The following EIF3G variants were observed in gnomAD, a reference collection of about 807,000 sequenced individuals.
EIF3G encodes the protein eukaryotic translation initiation factor 3 subunit G, also known as eukaryotic translation initiation factor 3 RNA-binding subunit.
A neutral mutation model predicts 41.7 loss-of-function variants in EIF3G; 10 were observed. The observed-to-expected ratio is 0.24, with a 90% CI of 0.15 to 0.41. The LOEUF (loss-of-function observed/expected upper bound fraction) is 0.41. Ranked by LOEUF, EIF3G falls within the 10% of genes least tolerant of loss-of-function variation. The probability of loss-of-function intolerance (pLI) is 1.00; values close to 1 mark genes in which losing one functional copy is unlikely to be tolerated. For synonymous variants in EIF3G, 204 were observed against 172.5 expected (o/e 1.18, Z -1.43); for missense variants, 297 against 444.0 (o/e 0.67, Z 2.98).
chr19:10,117,974 C>T (rs1393899785), intron 5 of EIF3G: 1 of 152,148 alleles, frequency 6.6e-6, no homozygotes, highest in East Asian at 1.9e-4. Context: ...ATGGCTTGAG[C>T]CTGGGAGTTC....
In EIF3G at chr19:10,117,073, G is replaced by A. The variant is rs1232630379; in HGVS notation, c.405+11C>T. 6.2e-7 allele frequency: 1 copy of A among 1,612,044 alleles called. No individual in the cohort carries two copies. The highest frequency in any genetic ancestry group is 1.1e-5 in the South Asian group (1 of 90,864). Reference sequence around the variant, plus strand: ...CCCAGGATGCCAGCCCCACCTGATTGCCCCGCTTACCTCTTTGCTGGTGAT... The same window carrying A: ...CCCAGGATGCCAGCCCCACCTGATTACCCCGCTTACCTCTTTGCTGGTGAT... On this transcript the variant is annotated intron_variant, in intron 6 of 10. Coordinates refer to ENST00000253108, the MANE Select transcript of EIF3G (RefSeq NM_003755.5).
chr19:10,116,537 G>C lies in EIF3G; in HGVS notation c.595+263C>G, dbSNP rs573109352. On this transcript the variant is annotated intron_variant, in intron 7 of 10. Transcript: ENST00000253108. This position sits in a 1 kb window ranked among gnomAD's most constrained non-coding sequence, Gnocchi z 4.1. ...CAGTGCGCACACACGATGTGGGGTG[G>C]TCAGCACCCTGGGGCCGACAGACAG... is the stretch of plus-strand genomic sequence containing the variant. 2.7e-5 allele frequency: 14 copies of C among 518,652 alleles called. No individual in the cohort carries two copies. The highest frequency in any genetic ancestry group is 2.5e-4 in the African/African-American group (13 of 52,800). The allele number at this position is 518,652 out of a possible 1,614,324, so 32.1% of individuals were successfully genotyped here. A position where few individuals can be genotyped will look rare whatever the true frequency, so the allele number is the denominator to read the frequency against.
At position 10,115,967 on chromosome 19, in the gene EIF3G, C is replaced by A. The variant is rs752604243; in HGVS notation, c.703G>T (p.Ala235Ser). The A allele has an allele frequency of 6.8e-6, 11 of 1,613,070 alleles. No individual in the cohort carries two copies. The highest frequency in any genetic ancestry group is 4.0e-5 in the African/African-American group (3 of 74,928). The change falls in exon 8 of 11, where the codon GCC (alanine) becomes TCC (serine). Residue 235 changes from alanine to serine, a missense_variant and splice_region_variant. Ala to Ser is a moderately conservative substitution (Grantham distance 99). This residue lies in a region of EIF3G where 91 missense variants were observed against 170.5 expected (regional missense o/e 0.53). Transcript: ENST00000253108. ...AGCCTGGCGTCGGGGTGCCCCTCACCTCTGCGGTTGGGCTGCATGGACTCC... is the reference window on the plus strand; with the variant it reads ...AGCCTGGCGTCGGGGTGCCCCTCACATCTGCGGTTGGGCTGCATGGACTCC... ...RGESMQPNRR[A>S]DDNATIRVTN... is the part of the protein sequence containing the mutation.
intron 2 of EIF3G, 132 bp from the exon 3 acceptor site, chr19:10,119,303 G>T: frequency 9.6e-7 from 1 of 1,037,006 alleles, no homozygotes; most frequent in East Asian, 2.6e-5. Context: ...GGGCTGGCCA[G>T]GCAACGCACT....
At position 10,115,046 on chromosome 19, in the gene EIF3G, A is replaced by G; in HGVS notation, c.*68T>C. ...AGTGGAGCTGCTTTATTGCCCTTGG[A>G]GCCCGCGCTCTCGGAGGCTGTCTTC... On this transcript the variant is annotated 3_prime_UTR_variant, in exon 11 of 11. Transcript: ENST00000253108. The G allele has an allele frequency of 2.5e-6, 4 of 1,605,848 alleles. No individual in the cohort carries two copies. Among genetic ancestry groups the G allele is most frequent in the Non-Finnish European group, 2.6e-6 (3 of 1,175,026 alleles).
chr19:10,115,381 A>T, intron 10 of EIF3G, 98 bp downstream of exon 10: 2 of 1,359,884 alleles, frequency 1.5e-6, no homozygotes, highest in Non-Finnish European at 2.0e-6. Context: ...CAGCCGGGGG[A>T]CTGTTAAATT....
At position 10,117,177 on chromosome 19, in the gene EIF3G, C is replaced by T; in HGVS notation, c.312G>A (p.Lys104=). The T allele has an allele frequency of 6.2e-7, 1 of 1,610,572 alleles. No individual in the cohort carries two copies. Among genetic ancestry groups the T allele is most frequent in the Non-Finnish European group, 8.5e-7 (1 of 1,178,450 alleles). The stretch of plus-strand genomic sequence containing the variant: ...GGGGGTCAAACTCTGAGTTCCCGAA[C>T]TTCTTCCAGTTCTGGGCTCAGGGAG... ...KAVARRKNWK[K]FGNSEFDPPG... Residue 104 remains lysine (K), a synonymous_variant, in exon 6 of 11, where the codon AAG becomes AAA. Transcript: ENST00000253108.
At position 10,115,163 on chromosome 19, in the gene EIF3G, C is replaced by A. The variant is rs1381664924; in HGVS notation, c.948-34G>T. The A allele has an allele frequency of 2.5e-6, 4 of 1,612,222 alleles. No homozygotes were observed. The East Asian group carries it at 6.7e-5, about 27-fold the overall frequency. ...GGGGAGGGTGGCAGGTATAAGACTT[C>A]TGGGGGCACCCCAAGACCCCAGACA... On this transcript the variant is annotated intron_variant, in intron 10 of 10. Coordinates refer to ENST00000253108, the MANE Select transcript of EIF3G (RefSeq NM_003755.5).
At chr19:10,119,763 G>C (rs1196268441) in intron 1 of EIF3G, 63 bp from the exon 2 acceptor site, 1 of 1,613,788 alleles carries the variant, frequency 6.2e-7, no homozygotes, top group Admixed American at 1.7e-5. Flanking sequence ...CCGCAGCCTC[G>C]GCGTACCCAG....
intron 9 of EIF3G, 29 bp downstream of exon 9, chr19:10,115,655 A>G (rs1488464690): frequency 1.9e-6 from 3 of 1,596,952 alleles, no homozygotes; most frequent in Non-Finnish European, 2.6e-6. Flanking sequence ...ACCCTCACAC[A>G]GCCCCACCGT....
Position 10,116,290 on chromosome 19 carries a change from G to GAGC in EIF3G, c.596-219_596-217dup, listed in dbSNP as rs1055996716. 1.1e-4 allele frequency: 67 copies of GAGC among 595,786 alleles called. No individual in the cohort carries two copies. The highest frequency in any genetic ancestry group is 6.4e-4 in the Admixed American group (21 of 33,026). 36.9% of individuals were successfully genotyped at this position (595,786 alleles called of 1,614,324 possible). A position where few individuals can be genotyped will look rare whatever the true frequency, so the allele number is the denominator to read the frequency against. ...GACACTGGTGGAGGAGGAGGAGGAGGAGCCCCGACCCCACCCCAGAGAGGG... is the reference window on the plus strand; with the variant it reads ...GACACTGGTGGAGGAGGAGGAGGAGGAGCAGCCCCGACCCCACCCCAGAGAGGG... On this transcript the variant is annotated intron_variant, in intron 7 of 10. Transcript: ENST00000253108. This position sits in a 1 kb window ranked among gnomAD's most constrained non-coding sequence, Gnocchi z 4.1.
rs748326626 is a variant in EIF3G at position 10,117,147 on chromosome 19, T to C, written c.342A>G (p.Gly114=). 1.2e-6 allele frequency: 2 copies of C among 1,612,876 alleles called. No homozygotes were observed. Among genetic ancestry groups the C allele is most frequent in the Non-Finnish European group, 8.5e-7 (1 of 1,179,634 alleles). ...TGACAGTGGTGGTGGCCACATTGGG[T>C]CCGGGGGGGTCAAACTCTGAGTTCC... ...KFGNSEFDPP[G]PNVATTTVSD... Residue 114 remains glycine, a synonymous_variant, in exon 6 of 11, where the codon GGA becomes GGG. Transcript: ENST00000253108.
chr19:10,119,063 T>C (rs2089283721), intron 3 of EIF3G, 25 bp downstream of exon 3: 2 of 524,018 alleles, frequency 3.8e-6, no homozygotes, highest in South Asian at 6.8e-5. Flanking sequence ...CAGTCCTCAC[T>C]CACCTCCCGG....
At position 10,116,522 on chromosome 19, in the gene EIF3G, A is replaced by C. The variant is rs1013574384; in HGVS notation, c.595+278T>G. ...GAGACACTATACACACAGTGCGCACACACGATGTGGGGTGGTCAGCACCCT... is the reference window on the plus strand; with the variant it reads ...GAGACACTATACACACAGTGCGCACCCACGATGTGGGGTGGTCAGCACCCT... On this transcript the variant is annotated intron_variant, in intron 7 of 10. Transcript: ENST00000253108. This position sits in a 1 kb window ranked among gnomAD's most constrained non-coding sequence, Gnocchi z 4.1. The C allele has an allele frequency of 1.9e-6, 1 of 513,806 alleles. No homozygotes were observed. The highest frequency in any genetic ancestry group is 3.1e-5 in the East Asian group (1 of 31,894). The allele number at this position is 513,806 out of a possible 1,614,324, so 31.8% of individuals were successfully genotyped here. A position where few individuals can be genotyped will look rare whatever the true frequency, so the allele number is the denominator to read the frequency against.
At chr19:10,115,880 G>A in intron 8 of EIF3G, 60 bp from the exon 9 acceptor site, 8 of 1,588,390 alleles carry the variant, frequency 5.0e-6, no homozygotes, top group Non-Finnish European at 6.0e-6. Flanking sequence ...CTCGTGTGCT[G>A]CCCAGCCCTC....
intron 4 of EIF3G, 32 bp downstream of exon 4, chr19:10,118,836 G>A (rs1264558079): frequency 6.2e-7 from 1 of 1,603,700 alleles, no homozygotes; most frequent in Admixed American, 1.7e-5. Context: ...CCAAGCACAA[G>A]GGTCCCCACT....
intron 5 of EIF3G, 91 bp from the exon 6 acceptor site, chr19:10,117,279 G>A (rs901253377): frequency 2.2e-5 from 20 of 895,840 alleles, no homozygotes; most frequent in Non-Finnish European, 3.1e-5. Flanking sequence ...GCCACCCCCA[G>A]AGTGTCTGGG....
intron 10 of EIF3G, 110 bp from the exon 11 acceptor site, chr19:10,115,239 A>G: frequency 2.1e-6 from 3 of 1,415,318 alleles, no homozygotes; most frequent in Non-Finnish European, 1.9e-6. Context: ...TAATGTGAGG[A>G]CGAAGCGGGC....
intron 5 of EIF3G, chr19:10,118,085 G>A (rs1054090572): frequency 2.0e-5 from 3 of 152,160 alleles, no homozygotes; most frequent in Admixed American, 6.6e-5. Flanking sequence ...ATTTTTATTC[G>A]ATATTTACAA....
Sources: allele counts gnomAD v4.1 joint callset, GRCh38; gene constraint gnomAD v4.1.1; regional missense constraint gnomAD v4.1.1; non-coding constraint Gnocchi (gnomAD v3.1); transcripts MANE v1.5; gene names NCBI Gene and HGNC (gene_info 2026-07-23, HGNC 2026-07-21).